PDZD2: variants seen among roughly 807,000 people sequenced by gnomAD.
PDZD2 encodes the protein PDZ domain-containing protein 2.
Under a neutral mutation model 220.7 loss-of-function variants are expected in PDZD2, and 90 were observed. The ratio of observed to expected loss-of-function variants is 0.41; its 90% CI spans 0.34 to 0.49. The LOEUF (loss-of-function observed/expected upper bound fraction) is 0.49, where lower values mean the gene tolerates loss of function less well. Among genes scored for constraint, PDZD2 ranks in the 20% least tolerant of loss-of-function variants. The pLI, the probability that PDZD2 is intolerant of heterozygous loss-of-function variation, is 0.28. For missense variants in PDZD2, 3,174 were observed against 3,608.5 expected, an observed-to-expected ratio of 0.88 and a Z score of 3.08; for synonymous variants, 1,375 against 1,450.5, an observed-to-expected ratio of 0.95 and a Z score of 1.18.
intron 2 of PDZD2, among the ~76,000 whole-genome samples, chr5:31,884,135 C>T (rs1201123534): frequency 6.6e-6 from 1 of 152,254 alleles, no homozygotes; most frequent in East Asian, 1.9e-4. Flanking sequence ...ATCGCTTGAA[C>T]CCAGGAGGCT....
intron 1 of PDZD2, among the ~76,000 whole-genome samples, chr5:31,776,662 AT>A (rs1203109443): frequency 6.7e-6 from 1 of 149,012 alleles, no homozygotes; most frequent in African/African-American, 2.5e-5. Flanking sequence ...TTATTTATTT[AT>A]TTTGAGACGG....
At chr5:32,060,919 TA>T in intron 13 of PDZD2, 82 bp from the exon 14 acceptor site, 1 of 1,338,288 alleles carries the variant, frequency 7.5e-7, no homozygotes, top group Non-Finnish European at 1.1e-6. Flanking sequence ...TTTCATATTA[TA>T]AACCTCTCCT....
intron 17 of PDZD2, among the ~76,000 whole-genome samples, chr5:32,073,460 A>G (rs32793): frequency 0.34 from 52,412 of 151,992 alleles, 10,245 homozygotes; most frequent in African/African-American, 0.52. Context: ...ATCAGTCCCC[A>G]GGCATCCTTC....
At chr5:31,784,580 C>T (rs1371677119) in intron 1 of PDZD2, among the ~76,000 whole-genome samples, 5 of 152,104 alleles carry the variant, frequency 3.3e-5, no homozygotes, top group Non-Finnish European at 5.9e-5. Context: ...GTGGTCAGTG[C>T]AAAACAGGGA....
chr5:31,908,876 C>G (rs1742929497), intron 2 of PDZD2: 2 of 433,414 alleles, frequency 4.6e-6, no homozygotes, highest in African/African-American at 2.0e-5. Context: ...GAGACCCTGT[C>G]CCTACCAAAA....
rs542355091 is a variant in PDZD2 at position 31,643,788 on chromosome 5, T to G, written c.-361+4351T>G. Among the ~76,000 whole-genome samples, 8 of 152,192 alleles carry G rather than the reference T, an allele frequency of 5.3e-5. No individual in the cohort carries two copies. The East Asian group carries it at 1.5e-3, about 29-fold the overall frequency. ...TTTGACTTACTAAACACTAAGTAGATATGTGCCAAATTAAATGAAATTGGG... is the reference window on the plus strand; with the variant it reads ...TTTGACTTACTAAACACTAAGTAGAGATGTGCCAAATTAAATGAAATTGGG... On this transcript the variant is annotated intron_variant, in intron 1 of 24. Coordinates refer to ENST00000438447, the MANE Select transcript of PDZD2 (RefSeq NM_178140.4).
chr5:31,664,811 A>C (rs560708550), intron 1 of PDZD2: 19 of 152,266 alleles, frequency 1.2e-4, no homozygotes, highest in Admixed American at 7.8e-4. Context: ...GATTCTCTCC[A>C]TCTTGTGTCC....
chr5:32,006,747 T>C (rs1455342630), intron 5 of PDZD2, among the ~76,000 whole-genome samples: 1 of 133,034 alleles, frequency 7.5e-6, no homozygotes, highest in Non-Finnish European at 1.5e-5. Context: ...TGCAGTGCGG[T>C]GGTACAATCT....
At chr5:31,785,694 GC>G (rs1267542036) in intron 1 of PDZD2, among the ~76,000 whole-genome samples, 1 of 151,926 alleles carries the variant, frequency 6.6e-6, no homozygotes, top group Non-Finnish European at 1.5e-5. Context: ...TCCTGCCTCA[GC>G]CTCCCAAAGT....
chr5:31,914,611 C>T (rs545711984), intron 2 of PDZD2, among the ~76,000 whole-genome samples: 1 of 152,320 alleles, frequency 6.6e-6, no homozygotes, highest in South Asian at 2.1e-4. Context: ...GAACATGTCT[C>T]AGAGGACAAC....
chr5:31,735,523 G>C (rs150253831), intron 1 of PDZD2, among the ~76,000 whole-genome samples: 1 of 152,294 alleles, frequency 6.6e-6, no homozygotes, highest in Admixed American at 6.5e-5. Flanking sequence ...TCCAGGCTGG[G>C]TGCAGTGGCT....
chr5:31,754,820 T>C (rs1231229335), intron 1 of PDZD2, among the ~76,000 whole-genome samples: 1 of 152,172 alleles, frequency 6.6e-6, no homozygotes, highest in East Asian at 1.9e-4. Flanking sequence ...ACCACGAAAG[T>C]CCCTTCCGGT....
At chr5:32,068,915 G>A (rs1408755383) in intron 14 of PDZD2, among the ~76,000 whole-genome samples, 2 of 151,992 alleles carry the variant, frequency 1.3e-5, no homozygotes, top group East Asian at 1.9e-4. Flanking sequence ...GTGATTCTAG[G>A]TGAAAAGTAT....
chr5:31,884,227 G>GCATACATACATA (rs557964815), intron 2 of PDZD2, among the ~76,000 whole-genome samples: 3,123 of 147,506 alleles, frequency 0.021, 103 homozygotes, highest in African/African-American at 0.071. Flanking sequence ...ATAACTGCAT[G>GCATACATACATA]CATGCATACA....
chr5:32,061,080 T>C lies in PDZD2; in HGVS notation c.2397T>C (p.Ser799=), dbSNP rs2112344145. The C allele has an allele frequency of 6.2e-7, 1 of 1,614,044 alleles. No homozygotes were observed. Among genetic ancestry groups the C allele is most frequent in the South Asian group, 1.1e-5 (1 of 91,080 alleles). The change falls in exon 14 of 25, where the codon AGT becomes AGC. Residue 799 remains serine, a synonymous_variant. Transcript: ENST00000438447. ...TAAGCAAAGTCCACGCCATCTTGAG[T>C]AAATGCCCTCCAGGACCCGTTCGCC... ...AALSKVHAIL[S]KCPPGPVRLV...
At chr5:31,931,342 G>C (rs1230801960) in intron 2 of PDZD2, among the ~76,000 whole-genome samples, 2 of 152,262 alleles carry the variant, frequency 1.3e-5, no homozygotes, top group East Asian at 3.9e-4. Context: ...ATTTTTAGTA[G>C]AGACGGGGTT....
At chr5:31,878,555 C>CTTTTTTTTTTT (rs397884384) in intron 2 of PDZD2, among the ~76,000 whole-genome samples, 4,043 of 48,142 alleles carry the variant, frequency 0.084, 1,349 homozygotes, top group East Asian at 0.16. Flanking sequence ...ATGACCTCGG[C>CTTTTTTTTTTT]TTTTTTTTTT....
chr5:32,095,245 G>A (rs1021416417), intron 21 of PDZD2, among the ~76,000 whole-genome samples: 1 of 152,156 alleles, frequency 6.6e-6, no homozygotes, highest in Non-Finnish European at 1.5e-5. Context: ...CGCTCACCAC[G>A]AGGCAGGGTT....
At position 32,071,407 on chromosome 5, in the gene PDZD2, C is replaced by G. The variant is rs1324331297; in HGVS notation, c.2557C>G (p.Leu853Val). The G allele has an allele frequency of 6.2e-7, 1 of 1,610,658 alleles. No homozygotes were observed. The highest frequency in any genetic ancestry group is 1.7e-5 in the Admixed American group (1 of 59,994). The stretch of plus-strand genomic sequence containing the variant: ...AGGTACCCCCTTGAAGAGTCCCTCT[C>G]TTGCAAAAAAGGTGAGTCAAGGTGA... ...GLGTPLKSPS[L>V]AKKDSLISES... Residue 853 changes from leucine to valine, a missense_variant, in exon 16 of 25, where the codon CTT becomes GTT. Physicochemically the swap from Leu to Val is conservative, Grantham distance 32 (BLOSUM62 1). Transcript: ENST00000438447.
Sources: gnomAD v4.1 joint callset for allele counts (sites outside exome capture counted in the v4.1 genomes callset) on GRCh38, gnomAD v4.1.1 for gene constraint, MANE v1.5 for transcripts, NCBI Gene and HGNC (gene_info 2026-07-23, HGNC 2026-07-21) for gene names.